DLGAP3: variants seen among roughly 807,000 people sequenced by gnomAD.
DLGAP3 encodes the protein DLG associated protein 3.
A neutral mutation model predicts 81.2 loss-of-function variants in DLGAP3; 17 were observed. The observed-to-expected ratio is 0.21, with a 90% CI of 0.14 to 0.31. The LOEUF is 0.31. DLGAP3 is among the 10% of genes least tolerant of loss of function. The pLI is 1.00. For missense variants in DLGAP3, 1,124 were observed against 1,388.0 expected (o/e 0.81, Z 3.02); for synonymous variants, 577 against 587.4 (o/e 0.98, Z 0.26).
intron 8 of DLGAP3, among the ~76,000 whole-genome samples, chr1:34,877,193 GAC>G (rs1491399320): frequency 1.3e-5 from 2 of 152,126 alleles, no homozygotes; most frequent in African/African-American, 4.8e-5. Context: ...TGAGAGGAGA[GAC>G]CCCAAACCTG....
intron 8 of DLGAP3, among the ~76,000 whole-genome samples, chr1:34,879,996 A>G (rs1569607219): frequency 6.6e-6 from 1 of 152,218 alleles, no homozygotes; most frequent in Non-Finnish European, 1.5e-5. Context: ...ACAAAAAACT[A>G]GTTTTTTTCA....
At chr1:34,922,984 T>C (rs911321218) in intron 1 of DLGAP3, among the ~76,000 whole-genome samples, 13 of 152,178 alleles carry the variant, frequency 8.5e-5, no homozygotes, top group Admixed American at 5.2e-4. Flanking sequence ...GGCCCTGTCA[T>C]GTCCTCATCC....
chr1:34,869,723 G>A (rs988967199), intron 8 of DLGAP3, among the ~76,000 whole-genome samples: 3 of 152,088 alleles, frequency 2.0e-5, no homozygotes, highest in Admixed American at 6.5e-5. Context: ...TTATCCACCC[G>A]CCTTGGCCTC....
Position 34,886,192 on chromosome 1 carries a change from C to T in DLGAP3, c.1480G>A (p.Gly494Ser). 3 of 1,611,252 alleles carry T rather than the reference C, an allele frequency of 1.9e-6. No homozygotes were observed. Among genetic ancestry groups the T allele is most frequent in the Non-Finnish European group, 2.5e-6 (3 of 1,179,332 alleles). ...CTGTGGCTCCGCATGCGGAAACAGCCGGGCAGGTCCAGGGCGTCCACGGCC... is the reference window on the plus strand; with the variant it reads ...CTGTGGCTCCGCATGCGGAAACAGCTGGGCAGGTCCAGGGCGTCCACGGCC... Reference protein sequence around the residue: ...SQAVDALDLPGCFRMRSHSYL... With the variant: ...SQAVDALDLPSCFRMRSHSYL... Residue 494 changes from glycine to serine, a missense_variant, in exon 6 of 12, where the codon GGC becomes AGC. Gly to Ser is a moderately conservative substitution (Grantham distance 56, BLOSUM62 0). Transcript: ENST00000373347.
chr1:34,877,355 G>A (rs1395448620), intron 8 of DLGAP3, among the ~76,000 whole-genome samples: 11 of 152,228 alleles, frequency 7.2e-5, no homozygotes, highest in Admixed American at 1.3e-4. Flanking sequence ...GAACATGAAG[G>A]CTTCCTTGTG....
Position 34,868,693 on chromosome 1 carries a change from G to T in DLGAP3, c.2397C>A (p.Ile799=), listed in dbSNP as rs1264081890. 2 of 1,612,114 alleles carry T rather than the reference G, an allele frequency of 1.2e-6. No homozygotes were observed. The highest frequency in any genetic ancestry group is 8.5e-7 in the Non-Finnish European group (1 of 1,180,012). ...TCTCCACCTCTGCCCGCAGCATCTT[G>T]ATGAACCACTCGCCGTCGCGTGGGC... ...SPCPRDGEWF[I]KMLRAEVEKL... is the part of the protein sequence containing the mutation. The change falls in exon 9 of 12, where the codon ATC becomes ATA. Residue 799 remains isoleucine (I), a synonymous_variant. Coordinates refer to ENST00000373347, the MANE Select transcript of DLGAP3 (RefSeq NM_001080418.3). The surrounding 1 kb of genome is among the most constrained non-coding windows in gnomAD (Gnocchi z 7.5).
chr1:34,881,692 G>A (rs767477855), intron 8 of DLGAP3, among the ~76,000 whole-genome samples: 10 of 149,588 alleles, frequency 6.7e-5, no homozygotes, highest in Non-Finnish European at 1.5e-4. Flanking sequence ...ACTGACAATG[G>A]GATCAAGCAG....
Position 34,866,734 on chromosome 1 carries a change from C to G in DLGAP3, c.2721+314G>C, listed in dbSNP as rs531638131. Reference sequence around the variant, plus strand: ...TGCCTAGGCCCGAACTGAGGACAGTCTGTCCTTCCGTAAGGTCTACTTTTG... The same window carrying G: ...TGCCTAGGCCCGAACTGAGGACAGTGTGTCCTTCCGTAAGGTCTACTTTTG... On this transcript the variant is annotated intron_variant, in intron 11 of 11. Coordinates refer to ENST00000373347, the MANE Select transcript of DLGAP3 (RefSeq NM_001080418.3). Among the ~76,000 whole-genome samples the G allele has an allele frequency of 1.1e-3, 168 of 152,114 alleles. 1 individual carries two copies. Among genetic ancestry groups the G allele is most frequent in the Non-Finnish European group, 6.6e-4 (45 of 67,994 alleles).
intron 1 of DLGAP3, among the ~76,000 whole-genome samples, chr1:34,920,033 C>T (rs1477794663): frequency 6.6e-6 from 1 of 152,144 alleles, no homozygotes; most frequent in Non-Finnish European, 1.5e-5. Context: ...GCATTAGAAG[C>T]TGCCTAAGTA....
At chr1:34,866,672 C>A (rs1638885297) in intron 11 of DLGAP3, among the ~76,000 whole-genome samples, 1 of 152,192 alleles carries the variant, frequency 6.6e-6, no homozygotes, top group Non-Finnish European at 1.5e-5. Context: ...GTCCAGGGAC[C>A]TGGCGGCTGA....
chr1:34,866,968 G>A (rs578187906), intron 11 of DLGAP3, 80 bp downstream of exon 11: 1 of 1,547,684 alleles, frequency 6.5e-7, no homozygotes, highest in East Asian at 2.2e-5. Flanking sequence ...CTGCCCCCTT[G>A]TTCGTCCCAC....
intron 5 of DLGAP3, among the ~76,000 whole-genome samples, chr1:34,892,532 T>C (rs1400292037): frequency 6.6e-6 from 1 of 152,144 alleles, no homozygotes; most frequent in Non-Finnish European, 1.5e-5. Context: ...AGATGAGGTC[T>C]CACTATGTTG....
intron 5 of DLGAP3, among the ~76,000 whole-genome samples, chr1:34,889,647 G>A (rs1278421242): frequency 1.3e-5 from 2 of 152,228 alleles, no homozygotes; most frequent in Non-Finnish European, 2.9e-5. Flanking sequence ...CCAACAGGGG[G>A]CCAGGCAACA....
At chr1:34,892,466 T>C (rs1639326783) in intron 5 of DLGAP3, among the ~76,000 whole-genome samples, 1 of 152,098 alleles carries the variant, frequency 6.6e-6, no homozygotes, top group African/African-American at 2.4e-5. Context: ...GGAGAGACAA[T>C]AGCCAAAAAC....
chr1:34,922,605 CAT>C (rs1475497778), intron 1 of DLGAP3, among the ~76,000 whole-genome samples: 2 of 152,098 alleles, frequency 1.3e-5, no homozygotes, highest in African/African-American at 4.8e-5. Flanking sequence ...TGAATGCATA[CAT>C]AGAGTCATAT....
At chr1:34,890,891 T>C (rs182039001) in intron 5 of DLGAP3, among the ~76,000 whole-genome samples, 89 of 152,344 alleles carry the variant, frequency 5.8e-4, no homozygotes, top group African/African-American at 2.1e-3. Flanking sequence ...ATAACTTACA[T>C]AGCAATAGAA....
In DLGAP3 at chr1:34,867,663, T is replaced by A; in HGVS notation, c.2486-36A>T. 5 of 1,514,536 alleles carry A rather than the reference T, an allele frequency of 3.3e-6. No homozygotes were observed. The highest frequency in any genetic ancestry group is 4.6e-6 in the Non-Finnish European group (5 of 1,090,332). 93.8% of individuals were successfully genotyped at this position (1,514,536 alleles called of 1,614,324 possible). On this transcript the variant is annotated intron_variant, in intron 9 of 11. Transcript: ENST00000373347. This position sits in a 1 kb window ranked among gnomAD's most constrained non-coding sequence, Gnocchi z 4.3. ...GAAGGAAATTCAGGGAGGGAAATGATGCATCTCCTTCCCCAGCCTCCACGA... is the reference window on the plus strand; with the variant it reads ...GAAGGAAATTCAGGGAGGGAAATGAAGCATCTCCTTCCCCAGCCTCCACGA...
At chr1:34,869,480 ATTTTTTTT>A (rs71029050) in intron 8 of DLGAP3, among the ~76,000 whole-genome samples, 21 of 69,278 alleles carry the variant, frequency 3.0e-4, no homozygotes, top group Admixed American at 6.8e-4. Flanking sequence ...AGATATTTCA[ATTTTTTTT>A]TTTTTTTTTT....
rs188357829 is a variant in DLGAP3 at position 34,893,965 on chromosome 1, T to A, written c.1386+5704A>T. Among the ~76,000 whole-genome samples the A allele has an allele frequency of 2.0e-3, 298 of 152,228 alleles. 1 individual carries two copies. The highest frequency in any genetic ancestry group is 5.3e-3 in the Admixed American group (81 of 15,286). ...ACTTTGGGAGGCCAAGGTGGGTGGA[T>A]CACTTGAGCTCAGAAGTTTTGAGAC... On this transcript the variant is annotated intron_variant, in intron 5 of 11. Transcript: ENST00000373347.
Sources: allele counts gnomAD v4.1 joint callset (sites outside exome capture counted in the v4.1 genomes callset), GRCh38; gene constraint gnomAD v4.1.1; non-coding constraint Gnocchi (gnomAD v3.1); transcripts MANE v1.5; gene names NCBI Gene and HGNC (gene_info 2026-07-23, HGNC 2026-07-21).